COL5A2: variants seen among roughly 807,000 people sequenced by gnomAD.
COL5A2 encodes collagen alpha-2(V) chain.
In COL5A2, 23 loss-of-function variants were observed where a neutral mutation model predicts 208.2. That is an observed-to-expected ratio of 0.11 (90% CI 0.08 to 0.16). COL5A2 has a LOEUF of 0.16. COL5A2 is among the 10% of genes least tolerant of loss of function. COL5A2 has a pLI of 1.00. For missense variants in COL5A2, 1,590 were observed against 1,956.4 expected (o/e 0.81, Z 3.53); for synonymous variants, 625 against 628.5 (o/e 0.99, Z 0.08).
At chr2:189,116,566 G>A (rs1687395486) in intron 1 of COL5A2, among the ~76,000 whole-genome samples, 1 of 152,134 alleles carries the variant, frequency 6.6e-6, no homozygotes, top group Non-Finnish European at 1.5e-5. Context: ...TTCTATCTCA[G>A]CCTCAAGATC....
the COL5A2 span, among the ~76,000 whole-genome samples, chr2:189,244,407 A>G: frequency 4.6e-5 from 7 of 152,148 alleles, no homozygotes; most frequent in Non-Finnish European, 1.0e-4. Flanking sequence ...AGTTCCACAA[A>G]TCTCTAAGGC....
intron 1 of COL5A2, among the ~76,000 whole-genome samples, chr2:189,217,696 T>C (rs750819844): frequency 8.5e-5 from 13 of 152,140 alleles, no homozygotes; most frequent in Non-Finnish European, 1.3e-4. Flanking sequence ...AATTGCAATG[T>C]CATTAGTGTA....
At chr2:189,163,273 G>T (rs989320114) in intron 1 of COL5A2, among the ~76,000 whole-genome samples, 1 of 152,108 alleles carries the variant, frequency 6.6e-6, no homozygotes, top group African/African-American at 2.4e-5. Context: ...GCATTGCAAA[G>T]ATGAATCCGC....
intron 1 of COL5A2, among the ~76,000 whole-genome samples, chr2:189,215,603 A>G (rs1689269254): frequency 1.3e-5 from 2 of 152,028 alleles, no homozygotes; most frequent in Admixed American, 1.3e-4. Flanking sequence ...TGTGGCTTGC[A>G]TTTGATATCT....
Position 189,051,606 on chromosome 2 carries a change from T to C in COL5A2, c.2770-125A>G. 3 of 746,072 alleles carry C rather than the reference T, an allele frequency of 4.0e-6. No individual in the cohort carries two copies. In the South Asian group the frequency reaches 7.5e-5, roughly 19 times the overall value. 46.2% of individuals were successfully genotyped at this position (746,072 alleles called of 1,614,324 possible). A position where few individuals can be genotyped will look rare whatever the true frequency, so the allele number is the denominator to read the frequency against. Reference sequence around the variant, plus strand: ...TCGCAGGTTCATTTTACCTGTTAGATAATCAGTCATTCTATAGGATTTAAA... The same window carrying C: ...TCGCAGGTTCATTTTACCTGTTAGACAATCAGTCATTCTATAGGATTTAAA... On this transcript the variant is annotated intron_variant, in intron 41 of 53. Coordinates refer to ENST00000374866, the MANE Select transcript of COL5A2 (RefSeq NM_000393.5).
At chr2:189,073,375 A>C (rs72904433) in intron 17 of COL5A2, among the ~76,000 whole-genome samples, 21,542 of 152,068 alleles carry the variant, frequency 0.14, 1,511 homozygotes, top group Middle Eastern at 0.19. Context: ...GGCTATAGAA[A>C]ACATTTTATA....
At chr2:189,064,308 C>G (rs1472468112) in intron 25 of COL5A2, among the ~76,000 whole-genome samples, 1 of 151,890 alleles carries the variant, frequency 6.6e-6, no homozygotes, top group African/African-American at 2.4e-5. Context: ...ATTTTTTTCT[C>G]ATGCCAAGTG....
the COL5A2 span, among the ~76,000 whole-genome samples, chr2:189,236,885 AAT>A: frequency 6.6e-6 from 1 of 151,834 alleles, no homozygotes; most frequent in Admixed American, 6.6e-5. Flanking sequence ...TTAATTTATC[AAT>A]GTTTTTCTTT....
the COL5A2 span, among the ~76,000 whole-genome samples, chr2:189,405,725 T>C: frequency 6.6e-6 from 1 of 152,204 alleles, no homozygotes; most frequent in Admixed American, 6.5e-5. Flanking sequence ...TTGCACATGA[T>C]TTATGTCATG....
the COL5A2 span, among the ~76,000 whole-genome samples, chr2:189,375,404 T>C: frequency 6.6e-6 from 1 of 152,220 alleles, no homozygotes; most frequent in Admixed American, 6.5e-5. Context: ...ATCCTATCTT[T>C]GATTTGTTGA....
Position 189,032,776 on chromosome 2 carries a change from GCT to G in COL5A2, c.*1292_*1293del, listed in dbSNP as rs1164848315. ...AACAGTGAACAAGCATTGGAACGAT[GCT>G]CTTTCTTTCAGAAACGGGAAGTCTA... is the stretch of plus-strand genomic sequence containing the variant. On this transcript the variant is annotated 3_prime_UTR_variant, in exon 54 of 54. Transcript: ENST00000374866. 4 of 152,566 alleles carry G rather than the reference GCT, an allele frequency of 2.6e-5. No homozygotes were observed. The highest frequency in any genetic ancestry group is 5.9e-5 in the Non-Finnish European group (4 of 68,024). 9.5% of individuals were successfully genotyped at this position (152,566 alleles called of 1,614,324 possible). A position where few individuals can be genotyped will look rare whatever the true frequency, so the allele number is the denominator to read the frequency against.
In COL5A2 at chr2:189,104,255, A is replaced by G; in HGVS notation, c.336+9T>C. 6.7e-7 allele frequency: 1 copy of G among 1,503,320 alleles called. No homozygotes were observed. Among genetic ancestry groups the G allele is most frequent in the East Asian group, 2.3e-5 (1 of 43,950 alleles). The allele number at this position is 1,503,320 out of a possible 1,614,324, so 93.1% of individuals were successfully genotyped here. ...TTATGAAAAAGAAAATATGCAAAGT[A>G]ACACTTACCTTTCTTCCTCTACCTG... is the stretch of plus-strand genomic sequence containing the variant. On this transcript the variant is annotated intron_variant, in intron 3 of 53. Coordinates refer to ENST00000374866, the MANE Select transcript of COL5A2 (RefSeq NM_000393.5).
chr2:189,099,355 G>C (rs1391322927), intron 4 of COL5A2, among the ~76,000 whole-genome samples: 1 of 152,164 alleles, frequency 6.6e-6, no homozygotes, highest in South Asian at 2.1e-4. Flanking sequence ...TTGACAGACT[G>C]ATGATAACAC....
chr2:189,380,033 A>ATT, the COL5A2 span, among the ~76,000 whole-genome samples: 1 of 150,884 alleles, frequency 6.6e-6, no homozygotes, highest in East Asian at 1.9e-4. Flanking sequence ...GGAGTGAAAT[A>ATT]TTTTATATAT....
chr2:189,261,835 G>A, the COL5A2 span, among the ~76,000 whole-genome samples: 1 of 152,256 alleles, frequency 6.6e-6, no homozygotes, highest in South Asian at 2.1e-4. Flanking sequence ...AGTAGTGACT[G>A]CTATGGCAAC....
At chr2:189,109,557 A>C (rs1404236675) in intron 2 of COL5A2, among the ~76,000 whole-genome samples, 1 of 152,140 alleles carries the variant, frequency 6.6e-6, no homozygotes, top group Non-Finnish European at 1.5e-5. Flanking sequence ...TATTGCTCTT[A>C]CCTTGTTTAT....
chr2:189,113,283 G>A (rs1341713123), intron 1 of COL5A2, among the ~76,000 whole-genome samples: 3 of 152,034 alleles, frequency 2.0e-5, no homozygotes, highest in African/African-American at 4.8e-5. Flanking sequence ...TTTAAAGTTA[G>A]CCAGGCACAG....
chr2:189,252,456 T>C, the COL5A2 span, among the ~76,000 whole-genome samples: 10 of 152,142 alleles, frequency 6.6e-5, no homozygotes, highest in African/African-American at 2.4e-4. Context: ...TTCATGTCCT[T>C]TGTAGGGACA....
chr2:189,201,195 G>GA (rs1413189609), intron 1 of COL5A2, among the ~76,000 whole-genome samples: 1 of 151,958 alleles, frequency 6.6e-6, no homozygotes, highest in East Asian at 1.9e-4. Context: ...AAAGGAATTG[G>GA]AAAAATACTG....
Sources: allele counts gnomAD v4.1 joint callset (sites outside exome capture counted in the v4.1 genomes callset), GRCh38; gene constraint gnomAD v4.1.1; transcripts MANE v1.5; gene names NCBI Gene and HGNC (gene_info 2026-07-23, HGNC 2026-07-21).